SLC10A7: variants seen among roughly 807,000 people sequenced by gnomAD.
The protein encoded by SLC10A7 is sodium/bile acid cotransporter 7.
A neutral mutation model predicts 43.2 loss-of-function variants in SLC10A7; 29 were observed. That is an observed-to-expected ratio of 0.67 (90% confidence interval 0.50 to 0.92). The LOEUF is 0.92. SLC10A7 is among the 40% of genes least tolerant of loss of function. The pLI is 0.00. For missense variants in SLC10A7, 295 were observed against 403.2 expected (o/e 0.73, Z 2.30); for synonymous variants, 152 against 144.8 (o/e 1.05, Z -0.35).
At chr4:146,288,163 T>C (rs1730159668) in intron 9 of SLC10A7, among the ~76,000 whole-genome samples, 1 of 152,144 alleles carries the variant, frequency 6.6e-6, no homozygotes. Context: ...CCTTAAGGCA[T>C]AAAAAGGGAA....
At chr4:146,502,591 CA>C (rs1736525298) in intron 4 of SLC10A7, among the ~76,000 whole-genome samples, 2 of 151,774 alleles carry the variant, frequency 1.3e-5, no homozygotes, top group African/African-American at 4.8e-5. Flanking sequence ...TGCTCATAGC[CA>C]AAAATTAGAA....
intron 5 of SLC10A7, among the ~76,000 whole-genome samples, chr4:146,400,423 G>A (rs1322754669): frequency 2.0e-5 from 3 of 152,102 alleles, no homozygotes; most frequent in African/African-American, 4.8e-5. Flanking sequence ...GTACTCGGGC[G>A]GTGTTATAAG....
intron 5 of SLC10A7, among the ~76,000 whole-genome samples, chr4:146,354,337 T>G (rs1174973014): frequency 6.6e-6 from 1 of 152,158 alleles, no homozygotes; most frequent in African/African-American, 2.4e-5. Flanking sequence ...ACAAGGGATG[T>G]GAAGGACCTC....
rs562558670 is a variant in SLC10A7, at chr4:146,489,640, T to C, written c.396+14209A>G. ...AAAGGAACTGCCCACGGGTTAAAAG[T>C]GCCTTCTAGAATTGTGCATCAGAAC... On this transcript the variant is annotated intron_variant, in intron 4 of 11. Transcript: ENST00000335472. Among the ~76,000 whole-genome samples the C allele has an allele frequency of 4.1e-4, 63 of 152,272 alleles. 2 individuals carry two copies. The South Asian group carries it at 9.5e-3, about 23-fold the overall frequency.
chr4:146,433,945 A>C (rs945722964), intron 5 of SLC10A7, among the ~76,000 whole-genome samples: 18 of 152,296 alleles, frequency 1.2e-4, no homozygotes, highest in Middle Eastern at 3.4e-3. Flanking sequence ...TTACCCATTT[A>C]CATTATCCTT....
chr4:146,416,306 C>A (rs1243671176), intron 5 of SLC10A7, among the ~76,000 whole-genome samples: 1 of 151,976 alleles, frequency 6.6e-6, no homozygotes, highest in Non-Finnish European at 1.5e-5. Context: ...AATAGGGTCA[C>A]CAACAAAAGG....
chr4:146,383,264 C>G (rs147289683), intron 5 of SLC10A7, among the ~76,000 whole-genome samples: 10 of 152,238 alleles, frequency 6.6e-5, no homozygotes, highest in Non-Finnish European at 1.2e-4. Flanking sequence ...TCTCAACTCC[C>G]TATGAGACAG....
intron 5 of SLC10A7, among the ~76,000 whole-genome samples, chr4:146,333,191 AT>A (rs373505065): frequency 4.6e-5 from 7 of 152,088 alleles, no homozygotes; most frequent in African/African-American, 1.7e-4. Flanking sequence ...AAAAAGTGTG[AT>A]TTTTTTCAGG....
rs112986747 is a variant in SLC10A7 at position 146,287,151 on chromosome 4, C to T, written c.774-3886G>A. Among the ~76,000 whole-genome samples the T allele has an allele frequency of 9.5e-3, 1,112 of 117,642 alleles. 5 individuals carry two copies. The highest frequency in any genetic ancestry group is 0.013 in the Non-Finnish European group (717 of 55,092). The allele number at this position is 117,642 out of a possible 152,430, so 77.2% of individuals were successfully genotyped here. On this transcript the variant is annotated intron_variant, in intron 9 of 11. Coordinates refer to ENST00000335472, the MANE Select transcript of SLC10A7 (RefSeq NM_001029998.6). Reference sequence around the variant, plus strand: ...CCGTGTCTGGAGTGGTGAGAAGGACCGTGTCTGGAGTGGTGAGAAGGACTG... The same window carrying T: ...CCGTGTCTGGAGTGGTGAGAAGGACTGTGTCTGGAGTGGTGAGAAGGACTG...
intron 5 of SLC10A7, among the ~76,000 whole-genome samples, chr4:146,385,299 T>C (rs1047704284): frequency 6.6e-6 from 1 of 152,164 alleles, no homozygotes; most frequent in Non-Finnish European, 1.5e-5. Context: ...AGAAGGTTGA[T>C]ATTATTAGGT....
chr4:146,314,551 C>G (rs1449288782), intron 6 of SLC10A7, among the ~76,000 whole-genome samples: 1 of 152,112 alleles, frequency 6.6e-6, no homozygotes. Flanking sequence ...AGCAGTGCCC[C>G]CATTTACTCA....
rs117400544 is a variant in SLC10A7 at position 146,447,529 on chromosome 4, C to T, written c.397-4708G>A. Among the ~76,000 whole-genome samples, 31 of 152,210 alleles carry T rather than the reference C, an allele frequency of 2.0e-4. No homozygotes were observed. The East Asian group carries it at 3.9e-3, about 19-fold the overall frequency. On this transcript the variant is annotated intron_variant, in intron 4 of 11. Coordinates refer to ENST00000335472, the MANE Select transcript of SLC10A7 (RefSeq NM_001029998.6). ...AATTTGTCTAATTCATTGAAAGAAA[C>T]GAGTGAATGAACAAATACCTCTTGT...
At chr4:146,379,006 T>C (rs1737411637) in intron 5 of SLC10A7, among the ~76,000 whole-genome samples, 2 of 152,144 alleles carry the variant, frequency 1.3e-5, no homozygotes, top group African/African-American at 4.8e-5. Context: ...TTTCAGGGTA[T>C]TGACCCAAGC....
intron 5 of SLC10A7, among the ~76,000 whole-genome samples, chr4:146,391,346 G>A (rs1388374271): frequency 2.0e-5 from 3 of 152,146 alleles, no homozygotes; most frequent in Non-Finnish European, 4.4e-5. Context: ...GCAAATCAAT[G>A]TCTCTAAAAA....
chr4:146,390,489 G>C (rs2630299), intron 5 of SLC10A7, among the ~76,000 whole-genome samples: 1,606 of 152,130 alleles, frequency 0.011, 21 homozygotes, highest in African/African-American at 0.036. Flanking sequence ...AATTAGCCGG[G>C]TGTGGAGGTG....
At chr4:146,308,771 G>A (rs533245701) in intron 6 of SLC10A7, among the ~76,000 whole-genome samples, 1 of 152,236 alleles carries the variant, frequency 6.6e-6, no homozygotes, top group African/African-American at 2.4e-5. Context: ...CCAGTCCCTG[G>A]CTAATTTCTT....
At chr4:146,323,441 A>T (rs1227630003) in intron 6 of SLC10A7, among the ~76,000 whole-genome samples, 3 of 152,202 alleles carry the variant, frequency 2.0e-5, no homozygotes, top group Admixed American at 2.0e-4. Context: ...AGCTTTCTAC[A>T]TATGGCTAGC....
intron 5 of SLC10A7, among the ~76,000 whole-genome samples, chr4:146,383,889 G>A (rs1737810064): frequency 6.6e-6 from 1 of 152,120 alleles, no homozygotes; most frequent in Non-Finnish European, 1.5e-5. Flanking sequence ...CATGTTAAAT[G>A]TATTTGTTCA....
At chr4:146,297,469 C>A (rs1031578752) in intron 7 of SLC10A7, among the ~76,000 whole-genome samples, 4 of 152,072 alleles carry the variant, frequency 2.6e-5, no homozygotes, top group Non-Finnish European at 5.9e-5. Flanking sequence ...AAGTATAACA[C>A]CCATCATCTT....
Sources: allele counts gnomAD v4.1 joint callset (sites outside exome capture counted in the v4.1 genomes callset), GRCh38; gene constraint gnomAD v4.1.1; transcripts MANE v1.5; gene names NCBI Gene and HGNC (gene_info 2026-07-23, HGNC 2026-07-21).